The following LIPC variants were observed in gnomAD, a reference collection of about 807,000 sequenced individuals.
LIPC encodes hepatic triacylglycerol lipase.
In LIPC, 44 loss-of-function variants were observed where a neutral mutation model predicts 50.7. The observed-to-expected ratio is 0.87, with a 90% CI of 0.68 to 1.11. The LOEUF (loss-of-function observed/expected upper bound fraction) is 1.11. Ranked by LOEUF, LIPC falls within the 50% of genes most tolerant of loss-of-function variation. The pLI is 0.00. For missense variants in LIPC, 697 were observed against 648.2 expected, an observed-to-expected ratio of 1.08 and a Z score of -0.82; for synonymous variants, 271 against 256.4, an observed-to-expected ratio of 1.06 and a Z score of -0.54.
chr15:58,446,786 C>G (rs148090116), intron 1 of LIPC, among the ~76,000 whole-genome samples: 1 of 152,112 alleles, frequency 6.6e-6, no homozygotes. Context: ...GGAGCAGGCA[C>G]GTGGCAAATG....
intron 1 of LIPC, among the ~76,000 whole-genome samples, chr15:58,444,148 G>C (rs1437972820): frequency 2.0e-5 from 3 of 152,192 alleles, no homozygotes; most frequent in Non-Finnish European, 2.9e-5. Context: ...TTATTCCACA[G>C]TTGGGCACTC....
intron 1 of LIPC, among the ~76,000 whole-genome samples, chr15:58,492,468 A>C (rs1595893704): frequency 6.6e-6 from 1 of 151,916 alleles, no homozygotes; most frequent in African/African-American, 2.4e-5. Flanking sequence ...CCTACTCTAA[A>C]CCCCCACAAA....
chr15:58,555,936 C>T (rs1893932698), intron 6 of LIPC, among the ~76,000 whole-genome samples: 1 of 152,184 alleles, frequency 6.6e-6, no homozygotes, highest in African/African-American at 2.4e-5. Flanking sequence ...CTCCAGTGGT[C>T]ACACCCAACC....
intron 1 of LIPC, among the ~76,000 whole-genome samples, chr15:58,444,225 G>C (rs1252455386): frequency 2.0e-5 from 3 of 152,202 alleles, no homozygotes; most frequent in African/African-American, 7.2e-5. Context: ...CCCTTCCTGA[G>C]GTTAATGATT....
At chr15:58,512,580 G>A (rs1432205662) in intron 1 of LIPC, among the ~76,000 whole-genome samples, 2 of 152,202 alleles carry the variant, frequency 1.3e-5, no homozygotes, top group African/African-American at 4.8e-5. Context: ...GAAAAGCCAC[G>A]GGAATCACAG....
At chr15:58,503,823 G>T (rs1489682012) in intron 1 of LIPC, among the ~76,000 whole-genome samples, 1 of 152,154 alleles carries the variant, frequency 6.6e-6, no homozygotes, top group African/African-American at 2.4e-5. Context: ...GGCATGCCAG[G>T]CAGGTCTCCA....
At chr15:58,448,182 G>A (rs1893769359) in intron 1 of LIPC, among the ~76,000 whole-genome samples, 1 of 152,214 alleles carries the variant, frequency 6.6e-6, no homozygotes, top group Non-Finnish European at 1.5e-5. Flanking sequence ...CCAAATGGCT[G>A]TGTGACTTTG....
At chr15:58,548,219 T>C in intron 5 of LIPC, 111 bp from the exon 6 acceptor site, 35 of 1,433,908 alleles carry the variant, frequency 2.4e-5, no homozygotes, top group Non-Finnish European at 3.4e-5. Context: ...CACCCTTGCC[T>C]GTTCTGTGTG....
At chr15:58,494,682 C>T (rs1891706010) in intron 1 of LIPC, 1 of 446,222 alleles carries the variant, frequency 2.2e-6, no homozygotes, top group Non-Finnish European at 4.5e-6. Flanking sequence ...ATTGCCAATA[C>T]CCAGCGTCAG....
At chr15:58,549,120 G>A (rs766299442) in intron 6 of LIPC, among the ~76,000 whole-genome samples, 10 of 152,202 alleles carry the variant, frequency 6.6e-5, no homozygotes, top group Non-Finnish European at 1.5e-4. Context: ...AGGGCAGAAA[G>A]TGGGCCCAGC....
chr15:58,458,359 C>A (rs1047772063), intron 1 of LIPC, among the ~76,000 whole-genome samples: 2 of 152,212 alleles, frequency 1.3e-5, no homozygotes, highest in Admixed American at 6.5e-5. Context: ...GAGCCTCCCC[C>A]ACCACGTCCT....
chr15:58,548,098 C>T lies in LIPC; in HGVS notation c.809-232C>T, dbSNP rs74018854. Among the ~76,000 whole-genome samples the T allele has an allele frequency of 4.8e-3, 725 of 152,140 alleles. 4 individuals are homozygous for T. The highest frequency in any genetic ancestry group is 0.016 in the African/African-American group (680 of 41,486). ...TCATAAAGGAGTGCTCTCAGGATCC[C>T]GGCAGTGCCCGGGATTTTGCCTGAC... On this transcript the variant is annotated intron_variant, in intron 5 of 8. Transcript: ENST00000299022.
intron 1 of LIPC, among the ~76,000 whole-genome samples, chr15:58,471,549 C>T (rs972392693): frequency 6.6e-6 from 1 of 152,114 alleles, no homozygotes; most frequent in Non-Finnish European, 1.5e-5. Flanking sequence ...TGACAGAATG[C>T]TGTAATCCAT....
chr15:58,504,192 C>T (rs576653719), intron 1 of LIPC, among the ~76,000 whole-genome samples: 2 of 152,274 alleles, frequency 1.3e-5, no homozygotes, highest in African/African-American at 2.4e-5. Context: ...ATTCTAGGCC[C>T]ACCAGCATAA....
intron 1 of LIPC, among the ~76,000 whole-genome samples, chr15:58,486,564 G>A (rs765534605): frequency 6.6e-6 from 1 of 152,178 alleles, no homozygotes; most frequent in East Asian, 1.9e-4. Context: ...TACAGACCAG[G>A]TTGTGTGGTC....
chr15:58,480,990 G>C (rs1449559792), intron 1 of LIPC, among the ~76,000 whole-genome samples: 1 of 152,158 alleles, frequency 6.6e-6, no homozygotes, highest in Non-Finnish European at 1.5e-5. Flanking sequence ...GCACACAACA[G>C]ATGTTCCATA....
At chr15:58,536,442 G>A (rs1489556346) in intron 1 of LIPC, among the ~76,000 whole-genome samples, 2 of 152,204 alleles carry the variant, frequency 1.3e-5, no homozygotes, top group African/African-American at 2.4e-5. Flanking sequence ...GAGAGACCAA[G>A]CAGAGAGAGA....
At chr15:58,541,403 G>C (rs1893318140) in intron 2 of LIPC, among the ~76,000 whole-genome samples, 1 of 151,700 alleles carries the variant, frequency 6.6e-6, no homozygotes, top group Admixed American at 6.6e-5. Context: ...TCAGCTTCCA[G>C]GACCTGATTT....
At chr15:58,511,048 A>G (rs548510899) in intron 1 of LIPC, among the ~76,000 whole-genome samples, 39 of 152,362 alleles carry the variant, frequency 2.6e-4, no homozygotes, top group African/African-American at 9.4e-4. Context: ...CTGGATCTCA[A>G]ATAGCTTAAG....
Sources: allele counts gnomAD v4.1 joint callset (sites outside exome capture counted in the v4.1 genomes callset), GRCh38; gene constraint gnomAD v4.1.1; transcripts MANE v1.5; gene names NCBI Gene and HGNC (gene_info 2026-07-23, HGNC 2026-07-21).